PHYH: variants seen among roughly 807,000 people sequenced by gnomAD.
PHYH encodes the protein phytanoyl-CoA dioxygenase, peroxisomal.
PHYH carries 32 observed loss-of-function variants against 38.5 expected under a neutral mutation model. The ratio of observed to expected loss-of-function variants is 0.83; its 90% CI spans 0.63 to 1.12. PHYH has a LOEUF of 1.12. Among genes scored for constraint, PHYH ranks in the 50% most tolerant of loss-of-function variants. The probability of loss-of-function intolerance (pLI) is 0.00; values close to 1 mark genes in which losing one functional copy is unlikely to be tolerated. For missense variants in PHYH, 426 were observed against 434.8 expected (o/e 0.98, Z 0.18); for synonymous variants, 166 against 157.9 (o/e 1.05, Z -0.38).
intron 4 of PHYH, among the ~76,000 whole-genome samples, chr10:13,293,719 G>C (rs1588515438): frequency 6.6e-6 from 1 of 152,202 alleles, no homozygotes; most frequent in East Asian, 1.9e-4. Context: ...TCCTGTTTCA[G>C]CCTTCCAAAG....
intron 8 of PHYH, among the ~76,000 whole-genome samples, chr10:13,280,351 T>C (rs1348995278): frequency 6.6e-6 from 1 of 151,508 alleles, no homozygotes; most frequent in East Asian, 1.9e-4. Context: ...TCAGAAGGCT[T>C]TTTTTTTGAC....
rs995683287 is a variant in PHYH at position 13,278,170 on chromosome 10, G to C, written c.*131C>G. ...TGCAAAACTAACTCTATGCAATTAA[G>C]TACCTGATACATGTTTTCTGCTTTT... is the stretch of plus-strand genomic sequence containing the variant. On this transcript the variant is annotated 3_prime_UTR_variant, in exon 9 of 9. Coordinates refer to ENST00000263038, the MANE Select transcript of PHYH (RefSeq NM_006214.4). 7 of 713,178 alleles carry C rather than the reference G, an allele frequency of 9.8e-6. No individual in the cohort carries two copies. Among genetic ancestry groups the C allele is most frequent in the Non-Finnish European group, 1.8e-5 (7 of 387,658 alleles). 44.2% of individuals were successfully genotyped at this position (713,178 alleles called of 1,614,324 possible). A position where few individuals can be genotyped will look rare whatever the true frequency, so the allele number is the denominator to read the frequency against.
chr10:13,299,609 C>T (rs961448756), intron 1 of PHYH: 4 of 1,086,022 alleles, frequency 3.7e-6, no homozygotes, highest in Non-Finnish European at 4.5e-6. Flanking sequence ...GCCTGTGCAC[C>T]GTGCGCCTGT....
At chr10:13,299,652 C>A in intron 1 of PHYH, 22 of 1,180,492 alleles carry the variant, frequency 1.9e-5, no homozygotes, top group Non-Finnish European at 2.3e-5. Context: ...GGACAGCTGC[C>A]GGGGTCACGC....
chr10:13,288,483 G>T lies in PHYH; in HGVS notation c.555C>A (p.Pro185=). 1 of 1,614,206 alleles carries T rather than the reference G, an allele frequency of 6.2e-7. No individual in the cohort carries two copies. Among genetic ancestry groups the T allele is most frequent in the East Asian group, 2.2e-5 (1 of 44,868 alleles). The change falls in exon 6 of 9, where the codon CCC becomes CCA. Residue 185 remains proline (P), a synonymous_variant. Coordinates refer to ENST00000263038, the MANE Select transcript of PHYH (RefSeq NM_006214.4). ...TCCAGGCGCAAACGATGAGATCGCT[G>T]GGCCTGAAGGGGAAATAGTGCAGGT... ...HQDLHYFPFR[P]SDLIVCAWTA...
intron 5 of PHYH, among the ~76,000 whole-genome samples, chr10:13,290,007 G>A (rs1391871456): frequency 2.1e-5 from 3 of 144,996 alleles, no homozygotes; most frequent in Non-Finnish European, 4.5e-5. Flanking sequence ...GGTGGCTCAC[G>A]CCGGTAATCC....
At position 13,294,596 on chromosome 10, in the gene PHYH, C is replaced by T; in HGVS notation, c.246G>A (p.Arg82=). 1 of 1,613,790 alleles carries T rather than the reference C, an allele frequency of 6.2e-7. No individual in the cohort carries two copies. Among genetic ancestry groups the T allele is most frequent in the Non-Finnish European group, 8.5e-7 (1 of 1,179,752 alleles). Residue 82 remains arginine, a splice_region_variant and synonymous_variant, in exon 4 of 9, where the codon CGG becomes CGA. Coordinates refer to ENST00000263038, the MANE Select transcript of PHYH (RefSeq NM_006214.4). ...LVPDADIQRF[R]NEFEKICRKE... ...TTCTGCAGATTTTTTCAAACTCATTCCTAGAAAATTTAATTTGCAAATGAT... is the reference window on the plus strand; with the variant it reads ...TTCTGCAGATTTTTTCAAACTCATTTCTAGAAAATTTAATTTGCAAATGAT...
intron 3 of PHYH, 115 bp downstream of exon 3, chr10:13,295,381 C>T: frequency 1.4e-6 from 1 of 710,898 alleles, no homozygotes; most frequent in South Asian, 1.5e-5. Flanking sequence ...TAAACACTTC[C>T]CAACAAACCA....
At chr10:13,294,673 T>A (rs931169512) in intron 3 of PHYH, 77 bp from the exon 4 acceptor site, 3 of 1,301,616 alleles carry the variant, frequency 2.3e-6, no homozygotes, top group Non-Finnish European at 3.3e-6. Context: ...GTGGAAAGGG[T>A]TGCAGACTTG....
In PHYH at chr10:13,295,559, T is replaced by A; in HGVS notation, c.182A>T (p.Tyr61Phe). The A allele has an allele frequency of 6.4e-7, 1 of 1,554,806 alleles. No individual in the cohort carries two copies. Among genetic ancestry groups the A allele is most frequent in the Non-Finnish European group, 8.9e-7 (1 of 1,125,866 alleles). ...NVLTLEQRKFYEENGFLVIKN... is the reference protein window; with the variant it reads ...NVLTLEQRKFFEENGFLVIKN... ...GATTACTAGAAACCCATTTTCTTCATAAAATTTTCTCTGTTCCAGGGTTAG... is the reference window on the plus strand; with the variant it reads ...GATTACTAGAAACCCATTTTCTTCAAAAAATTTTCTCTGTTCCAGGGTTAG... The change falls in exon 3 of 9, where the codon TAT becomes TTT. Residue 61 changes from tyrosine (Y) to phenylalanine (F), a missense_variant. Tyr to Phe is a conservative substitution (Grantham distance 22). Transcript: ENST00000263038.
chr10:13,296,537 T>C (rs906423921), intron 2 of PHYH, among the ~76,000 whole-genome samples: 3 of 133,852 alleles, frequency 2.2e-5, no homozygotes, highest in Admixed American at 8.6e-5. Context: ...CACTCCAGCC[T>C]GGGTGACAGA....
chr10:13,281,216 G>T, intron 7 of PHYH, 106 bp from the exon 8 acceptor site: 1 of 1,182,706 alleles, frequency 8.5e-7, no homozygotes, highest in South Asian at 1.3e-5. Flanking sequence ...CTCAGTATTT[G>T]ATTTCTAAGT....
rs749010481 is a variant in PHYH, at chr10:13,281,078, G to A, written c.861C>T (p.Cys287=). The A allele has an allele frequency of 6.2e-7, 1 of 1,614,066 alleles. No homozygotes were observed. The highest frequency in any genetic ancestry group is 8.5e-7 in the Non-Finnish European group (1 of 1,179,954). The change falls in exon 8 of 9, where the codon TGC becomes TGT. Residue 287 remains cysteine (C), a synonymous_variant. Coordinates refer to ENST00000263038, the MANE Select transcript of PHYH (RefSeq NM_006214.4). ...TGGTGCCCTTCACGTCAATGTAGTG[G>A]CAATCGGCACTGGCGAAATGGCAGG... is the stretch of plus-strand genomic sequence containing the variant. ...AISCHFASAD[C]HYIDVKGTSQ...
intron 3 of PHYH, 32 bp downstream of exon 3, chr10:13,295,464 C>G (rs1178507873): frequency 9.8e-7 from 1 of 1,017,260 alleles, no homozygotes; most frequent in Non-Finnish European, 1.6e-6. Flanking sequence ...ACAATACATA[C>G]TATTGTAAAA....
chr10:13,283,744 G>A lies in PHYH; in HGVS notation c.774C>T (p.Phe258=), dbSNP rs764263675. 7 of 1,613,952 alleles carry A rather than the reference G, an allele frequency of 4.3e-6. No homozygotes were observed. Among genetic ancestry groups the A allele is most frequent in the Admixed American group, 3.3e-5 (2 of 59,968 alleles). Residue 258 remains phenylalanine (F), a synonymous_variant, in exon 7 of 9, where the codon TTC becomes TTT. Transcript: ENST00000263038. ...CAGATCCGTGGATGAGCAAAGGATG[G>A]AAGAAAACAGTGTCGCCCTTCTCCA... ...LVMEKGDTVF[F]HPLLIHGSGQ...
chr10:13,278,000 A>ATCTTTACTCTTT lies in PHYH; in HGVS notation c.*300_*301insAAAGAGTAAAGA, dbSNP rs1588504211. 10 of 389,508 alleles carry ATCTTTACTCTTT rather than the reference A, an allele frequency of 2.6e-5. No homozygotes were observed. In the East Asian group the frequency reaches 6.0e-4, roughly 23 times the overall value. The allele number at this position is 389,508 out of a possible 1,614,324, so 24.1% of individuals were successfully genotyped here. On this transcript the variant is annotated 3_prime_UTR_variant, in exon 9 of 9. Transcript: ENST00000263038. ...ATCATTCACTTCTTCTTGGGTAAAG[A>ATCTTTACTCTTT]GCTAACTGAATGAAAGAAATTGATT...
chr10:13,299,707 C>T, intron 1 of PHYH: 2 of 1,290,382 alleles, frequency 1.5e-6, no homozygotes, highest in Non-Finnish European at 2.0e-6. Flanking sequence ...AGCAGAGGCC[C>T]CCAGGGATCC....
chr10:13,292,018 A>G, intron 4 of PHYH, 106 bp from the exon 5 acceptor site: 1 of 777,556 alleles, frequency 1.3e-6, no homozygotes, highest in Non-Finnish European at 2.2e-6. Flanking sequence ...AGAAGGCAAT[A>G]GTTTAAGAAC....
intron 8 of PHYH, among the ~76,000 whole-genome samples, chr10:13,280,276 C>G (rs2131629609): frequency 6.6e-6 from 1 of 151,906 alleles, no homozygotes; most frequent in East Asian, 2.0e-4. Flanking sequence ...CATAAATACT[C>G]TATTCTATAT....
Sources: gnomAD v4.1 joint callset for allele counts (sites outside exome capture counted in the v4.1 genomes callset) on GRCh38, gnomAD v4.1.1 for gene constraint, MANE v1.5 for transcripts, NCBI Gene and HGNC (gene_info 2026-07-23, HGNC 2026-07-21) for gene names.